Variants in MGAT1 observed in about 807,000 individuals in gnomAD.
MGAT1 encodes the protein N-glycosyl-oligosaccharide-glycoprotein N-acetylglucosaminyltransferase I.
Under a neutral mutation model 31.7 loss-of-function variants are expected in MGAT1, and 14 were observed. The ratio of observed to expected loss-of-function variants is 0.44; its 90% confidence interval spans 0.29 to 0.69. The LOEUF is 0.69. MGAT1 is among the 30% of genes least tolerant of loss of function. The probability of loss-of-function intolerance (pLI) is 0.12; values close to 1 mark genes in which losing one functional copy is unlikely to be tolerated. For missense variants in MGAT1, 557 were observed against 626.0 expected (o/e 0.89, Z 1.18); for synonymous variants, 338 against 276.0 (o/e 1.22, Z -2.23).
At position 180,788,500 on chromosome 5, in the gene MGAT1, C is replaced by T. The variant is rs1353887554; in HGVS notation, c.*3134G>A. The T allele has an allele frequency of 6.6e-6, 1 of 152,362 alleles. No individual in the cohort carries two copies. The highest frequency in any genetic ancestry group is 2.4e-5 in the African/African-American group (1 of 41,466). 9.4% of individuals were successfully genotyped at this position (152,362 alleles called of 1,614,324 possible). Reference sequence around the variant, plus strand: ...TCCAGCCTCACACAGTGGCTAACAGCACAGAGTTCATTCCAATCCGGCTCT... The same window carrying T: ...TCCAGCCTCACACAGTGGCTAACAGTACAGAGTTCATTCCAATCCGGCTCT... On this transcript the variant is annotated 3_prime_UTR_variant, in exon 2 of 2. Coordinates refer to ENST00000307826, the MANE Select transcript of MGAT1 (RefSeq NM_002406.4).
Position 180,791,363 on chromosome 5 carries a change from G to C in MGAT1, c.*271C>G, listed in dbSNP as rs1768047576. ...GAAAGCTCAGGACGTGGACATTTCT[G>C]GCCCCAACAAGCCCAGTGCCCCCCA... On this transcript the variant is annotated 3_prime_UTR_variant, in exon 2 of 2. Transcript: ENST00000307826. 4 of 534,624 alleles carry C rather than the reference G, an allele frequency of 7.5e-6. No homozygotes were observed. 33.1% of individuals were successfully genotyped at this position (534,624 alleles called of 1,614,324 possible).
In MGAT1 at chr5:180,791,909, C is replaced by T; in HGVS notation, c.1063G>A (p.Asp355Asn). The change falls in exon 2 of 2, where the codon GAC becomes AAC. Residue 355 changes from aspartate to asparagine, a missense_variant. This residue lies in a region of MGAT1 where 145 missense variants were observed against 143.2 expected (regional missense o/e 1.01). Transcript: ENST00000307826. Reference sequence around the variant, plus strand: ...TAGACGCGGGCGAGGAAATCTCGGTCATAGGCCTCCCGCTGCAGGTAAGAC... The same window carrying T: ...TAGACGCGGGCGAGGAAATCTCGGTTATAGGCCTCCCGCTGCAGGTAAGAC... ...DLSYLQREAY[D>N]RDFLARVYGA... 6.2e-7 allele frequency: 1 copy of T among 1,614,214 alleles called. No individual in the cohort carries two copies. Among genetic ancestry groups the T allele is most frequent in the East Asian group, 2.2e-5 (1 of 44,886 alleles).
intron 1 of MGAT1, among the ~76,000 whole-genome samples, chr5:180,813,871 T>C (rs2113619928): frequency 6.6e-6 from 1 of 152,318 alleles, no homozygotes; most frequent in South Asian, 2.1e-4. Flanking sequence ...ATATGTAACC[T>C]ATTCAACTAG....
At chr5:180,809,000 C>T (rs1470801596) in exon 2 of MGAT1, 1 of 152,250 alleles carries the variant, frequency 6.6e-6, no homozygotes, top group Non-Finnish European at 1.5e-5. Context: ...ACTGGCCCAT[C>T]TGTCTTGTGC....
At position 180,793,058 on chromosome 5, in the gene MGAT1, T is replaced by C. The variant is rs141872443; in HGVS notation, c.-87A>G. The C allele has an allele frequency of 3.4e-5, 51 of 1,489,510 alleles. No homozygotes were observed. The Middle Eastern group carries it at 9.4e-4, about 27-fold the overall frequency. 92.3% of individuals were successfully genotyped at this position (1,489,510 alleles called of 1,614,324 possible). ...GCTCCCTTGCCCGCAGTCCTAGGGA[T>C]GCCTCCTCTGGACTATGGGATTAGG... On this transcript the variant is annotated 5_prime_UTR_variant, in exon 2 of 2. Coordinates refer to ENST00000307826, the MANE Select transcript of MGAT1 (RefSeq NM_002406.4).
intron 1 of MGAT1, among the ~76,000 whole-genome samples, chr5:180,814,764 A>G (rs1347153442): frequency 6.6e-6 from 1 of 151,740 alleles, no homozygotes; most frequent in East Asian, 1.9e-4. Flanking sequence ...AGATGGTGAA[A>G]CCCCATCCCT....
At position 180,792,240 on chromosome 5, in the gene MGAT1, G is replaced by A. The variant is rs370049362; in HGVS notation, c.732C>T (p.Asn244=). 6.8e-6 allele frequency: 11 copies of A among 1,613,110 alleles called. No homozygotes were observed. The highest frequency in any genetic ancestry group is 5.3e-5 in the African/African-American group (4 of 75,064). The change falls in exon 2 of 2, where the codon AAC becomes AAT. Residue 244 remains asparagine, a synonymous_variant. Transcript: ENST00000307826. The stretch of plus-strand genomic sequence containing the variant: ...TGGCGTCCACCATCTGCTCCTTGCC[G>A]TTGTCATTCCAGGCCGAGACGCACC... ...SLWCVSAWND[N]GKEQMVDASR...
rs937854710 is a variant in MGAT1, at chr5:180,790,437, C to G, written c.*1197G>C. 9 of 152,484 alleles carry G rather than the reference C, an allele frequency of 5.9e-5. No individual in the cohort carries two copies. The highest frequency in any genetic ancestry group is 2.2e-4 in the African/African-American group (9 of 41,454). 9.4% of individuals were successfully genotyped at this position (152,484 alleles called of 1,614,324 possible). A position where few individuals can be genotyped will look rare whatever the true frequency, so the allele number is the denominator to read the frequency against. On this transcript the variant is annotated 3_prime_UTR_variant, in exon 2 of 2. Coordinates refer to ENST00000307826, the MANE Select transcript of MGAT1 (RefSeq NM_002406.4). ...CCACTCATCTGCTTTCTTTCCTCAA[C>G]TTTGCTTCCTCCCACCCGTCTAGCC...
chr5:180,806,844 G>A (rs953844208), upstream of MGAT1, among the ~76,000 whole-genome samples: 7 of 152,226 alleles, frequency 4.6e-5, no homozygotes, highest in African/African-American at 7.2e-5. Flanking sequence ...GTGGCATCAC[G>A]TATCCCCGAG....
chr5:180,812,882 GATAAA>G (rs756011862), intron 1 of MGAT1, among the ~76,000 whole-genome samples: 20 of 152,094 alleles, frequency 1.3e-4, no homozygotes, highest in Admixed American at 2.6e-4. Flanking sequence ...AAATATAAAT[GATAAA>G]ATAAAAAAGC....
At chr5:180,807,010 G>A (rs1771966929), upstream of MGAT1, among the ~76,000 whole-genome samples, 1 of 152,250 alleles carries the variant, frequency 6.6e-6, no homozygotes. Context: ...AGAGGAGAAA[G>A]TACAGCTCGG....
At chr5:180,805,331 G>A (rs539075048), upstream of MGAT1, among the ~76,000 whole-genome samples, 20 of 152,250 alleles carry the variant, frequency 1.3e-4, 1 homozygote, top group South Asian at 4.1e-3. Flanking sequence ...AAGATGAAAA[G>A]GAAGTGAAAA....
In MGAT1 at chr5:180,792,093, C is replaced by T; in HGVS notation, c.879G>A (p.Arg293=). 1 of 1,613,334 alleles carries T rather than the reference C, an allele frequency of 6.2e-7. No individual in the cohort carries two copies. The highest frequency in any genetic ancestry group is 1.1e-5 in the South Asian group (1 of 91,086). Residue 293 remains arginine, a synonymous_variant, in exon 2 of 2, where the codon CGG becomes CGA. Coordinates refer to ENST00000307826, the MANE Select transcript of MGAT1 (RefSeq NM_002406.4). Reference sequence around the variant, plus strand: ...CCCGCCCCTGCCGCTGCTCCGGCCGCCGCATCCAGTCGTCCCAGAAGGCCT... The same window carrying T: ...CCCGCCCCTGCCGCTGCTCCGGCCGTCGCATCCAGTCGTCCCAGAAGGCCT... ...WPKAFWDDWM[R]RPEQRQGRAC... is the part of the protein sequence containing the mutation.
Position 180,792,373 on chromosome 5 carries a change from AACT to A in MGAT1, c.596_598del (p.Gln199_Phe200delinsLeu). On this transcript the variant is annotated inframe_deletion, in exon 2 of 2. Transcript: ENST00000307826. Reference sequence around the variant, plus strand: ...CACCACCACGGCCGCGGGGAAGCGAAACTGCCGGAAGACCTGGCCCAGCGCCCA... The same window carrying A: ...CACCACCACGGCCGCGGGGAAGCGAAGCCGGAAGACCTGGCCCAGCGCCCA... The A allele has an allele frequency of 1.9e-6, 3 of 1,611,118 alleles. No individual in the cohort carries two copies. Among genetic ancestry groups the A allele is most frequent in the Non-Finnish European group, 2.5e-6 (3 of 1,178,220 alleles).
intron 1 of MGAT1, among the ~76,000 whole-genome samples, chr5:180,800,967 C>T (rs548526305): frequency 1.3e-5 from 2 of 152,344 alleles, no homozygotes; most frequent in South Asian, 2.1e-4. Flanking sequence ...AGGGAGGTGA[C>T]ACAGCCAATC....
Position 180,791,847 on chromosome 5 carries a change from G to T in MGAT1, c.1125C>A (p.Thr375=). The change falls in exon 2 of 2, where the codon ACC becomes ACA. Residue 375 remains threonine (T), a synonymous_variant. Transcript: ENST00000307826. ...CCTCCCCCAGCTCCTTCCGGTCATT[G>T]GTCCTCACTTTCTCCACCTGCAGCT... is the stretch of plus-strand genomic sequence containing the variant. ...APQLQVEKVR[T]NDRKELGEVR... The T allele has an allele frequency of 1.2e-6, 2 of 1,614,196 alleles. No individual in the cohort carries two copies. The highest frequency in any genetic ancestry group is 2.2e-5 in the South Asian group (2 of 91,082).
rs1220224665 is a variant in MGAT1 at position 180,790,108 on chromosome 5, C to T, written c.*1526G>A. ...GCCAACCCTGGTATCAGCTGTGTAC[C>T]CTGAGGCTCCCCGGCACGTCATAAA... On this transcript the variant is annotated 3_prime_UTR_variant, in exon 2 of 2. Coordinates refer to ENST00000307826, the MANE Select transcript of MGAT1 (RefSeq NM_002406.4). 6.6e-6 allele frequency: 1 copy of T among 152,192 alleles called. No individual in the cohort carries two copies. Among genetic ancestry groups the T allele is most frequent in the Admixed American group, 6.5e-5 (1 of 15,282 alleles). The allele number at this position is 152,192 out of a possible 1,614,324, so 9.4% of individuals were successfully genotyped here. A position where few individuals can be genotyped will look rare whatever the true frequency, so the allele number is the denominator to read the frequency against.
rs556635587 is a variant in MGAT1 at position 180,795,538 on chromosome 5, G to A, written c.-126-2441C>T. ...TATTGAGAAGTAGAGGACCAGGATAGATGCAACTTCTCAAATGGTTCAGAA... is the reference window on the plus strand; with the variant it reads ...TATTGAGAAGTAGAGGACCAGGATAAATGCAACTTCTCAAATGGTTCAGAA... On this transcript the variant is annotated intron_variant, in intron 1 of 1. Coordinates refer to ENST00000307826, the MANE Select transcript of MGAT1 (RefSeq NM_002406.4). 2.0e-5 allele frequency: 3 copies of A among 152,290 alleles called. No homozygotes were observed. In the South Asian group the frequency reaches 6.2e-4, roughly 32 times the overall value. 9.4% of individuals were successfully genotyped at this position (152,290 alleles called of 1,614,324 possible). A position where few individuals can be genotyped will look rare whatever the true frequency, so the allele number is the denominator to read the frequency against.
chr5:180,793,322 C>T (rs1768641790), intron 1 of MGAT1, among the ~76,000 whole-genome samples: 1 of 152,034 alleles, frequency 6.6e-6, no homozygotes, highest in Non-Finnish European at 1.5e-5. Flanking sequence ...AAAAAGAACC[C>T]CAACTCCCCT....
Sources: gnomAD v4.1 joint callset for allele counts (sites outside exome capture counted in the v4.1 genomes callset) on GRCh38, gnomAD v4.1.1 for gene constraint, gnomAD v4.1.1 regional missense constraint, MANE v1.5 for transcripts, NCBI Gene and HGNC (gene_info 2026-07-23, HGNC 2026-07-21) for gene names.